The following LCP2 variants were observed in gnomAD, a reference collection of about 807,000 sequenced individuals.
LCP2 encodes 76 kDa tyrosine phosphoprotein.
LCP2 carries 29 observed loss-of-function variants against 74.5 expected under a neutral mutation model. That is an observed-to-expected ratio of 0.39 (90% CI 0.29 to 0.53). The LOEUF (loss-of-function observed/expected upper bound fraction) is 0.53. Ranked by LOEUF, LCP2 falls within the 20% of genes least tolerant of loss-of-function variation. The pLI, the probability that LCP2 is intolerant of heterozygous loss-of-function variation, is 0.72. For synonymous variants in LCP2, 228 were observed against 229.5 expected (o/e 0.99, Z 0.06); for missense variants, 604 against 634.6 (o/e 0.95, Z 0.52).
intron 7 of LCP2, among the ~76,000 whole-genome samples, chr5:170,269,522 T>C (rs946662787): frequency 6.6e-6 from 1 of 152,274 alleles, no homozygotes; most frequent in Admixed American, 6.5e-5. Flanking sequence ...TCAGGGCCTT[T>C]GCACAGCCAT....
rs1052184423 is a variant in LCP2, at chr5:170,247,894, T to G, written c.*803A>C. 1 of 152,250 alleles carries G rather than the reference T, an allele frequency of 6.6e-6. No individual in the cohort carries two copies. The highest frequency in any genetic ancestry group is 1.9e-4 in the East Asian group (1 of 5,196). 9.4% of individuals were successfully genotyped at this position (152,250 alleles called of 1,614,324 possible). A position where few individuals can be genotyped will look rare whatever the true frequency, so the allele number is the denominator to read the frequency against. ...GGGGGGCTGTGATGGTTGGTGTGGG[T>G]GTGGAGATGTGAAGAAATGCCAACT... On this transcript the variant is annotated 3_prime_UTR_variant, in exon 21 of 21. Transcript: ENST00000046794.
In LCP2 at chr5:170,250,827, A is replaced by G; in HGVS notation, c.1382T>C (p.Leu461Pro). The G allele has an allele frequency of 6.2e-7, 1 of 1,612,500 alleles. No homozygotes were observed. Among genetic ancestry groups the G allele is most frequent in the Non-Finnish European group, 8.5e-7 (1 of 1,178,486 alleles). Reference protein sequence around the residue: ...SKKTTTNPYVLMVLYKDKVYN... With the variant: ...SKKTTTNPYVPMVLYKDKVYN... ...AACTTTATCTTTGTACAACACCATGAGGACATATGGATTGGTTGTTGTTTT... is the reference window on the plus strand; with the variant it reads ...AACTTTATCTTTGTACAACACCATGGGGACATATGGATTGGTTGTTGTTTT... Residue 461 changes from leucine to proline, a missense_variant, in exon 20 of 21, where the codon CTC becomes CCC. Coordinates refer to ENST00000046794, the MANE Select transcript of LCP2 (RefSeq NM_005565.5).
At chr5:170,278,603 G>C (rs1310348493) in intron 3 of LCP2, among the ~76,000 whole-genome samples, 1 of 152,006 alleles carries the variant, frequency 6.6e-6, no homozygotes, top group Non-Finnish European at 1.5e-5. Context: ...TGACTTGAGC[G>C]AGGTGGGACT....
chr5:170,283,875 C>T (rs1161694086), intron 3 of LCP2, among the ~76,000 whole-genome samples: 1 of 152,190 alleles, frequency 6.6e-6, no homozygotes, highest in African/African-American at 2.4e-5. Flanking sequence ...TCCCTTCCTC[C>T]CTTGTCTGCC....
chr5:170,260,555 G>A (rs905775515), intron 14 of LCP2, among the ~76,000 whole-genome samples: 3 of 152,198 alleles, frequency 2.0e-5, no homozygotes, highest in Non-Finnish European at 4.4e-5. Context: ...TATGTAAAGC[G>A]AGAAATACTC....
chr5:170,251,408 CTCTTT>C (rs1332368750), intron 19 of LCP2: 6 of 214,156 alleles, frequency 2.8e-5, no homozygotes, highest in East Asian at 1.1e-4. Context: ...TGCAGATGTT[CTCTTT>C]TCTTTTCTTT....
intron 10 of LCP2, among the ~76,000 whole-genome samples, chr5:170,266,222 A>G (rs1024947717): frequency 6.6e-6 from 1 of 152,208 alleles, no homozygotes; most frequent in Non-Finnish European, 1.5e-5. Context: ...GTGAAGAAAA[A>G]GCACTGTGGT....
intron 3 of LCP2, among the ~76,000 whole-genome samples, chr5:170,277,465 A>G (rs1190257218): frequency 6.6e-6 from 1 of 152,118 alleles, no homozygotes; most frequent in Non-Finnish European, 1.5e-5. Context: ...TATGGGCTCC[A>G]GGCTGGGCGC....
At chr5:170,268,131 C>G (rs1343411671) in intron 8 of LCP2, among the ~76,000 whole-genome samples, 1 of 152,132 alleles carries the variant, frequency 6.6e-6, no homozygotes, top group African/African-American at 2.4e-5. Context: ...TAATTCGGTT[C>G]TCTTTGGGTT....
In LCP2 at chr5:170,249,255, G is replaced by A. The variant is rs561912060; in HGVS notation, c.1480-436C>T. ...CAGGAGAATTGCTTGAACCTGGGAG[G>A]CAGAGGTTGCAGTGAGCCGAGATTG... On this transcript the variant is annotated intron_variant, in intron 20 of 20. Transcript: ENST00000046794. Among the ~76,000 whole-genome samples the A allele has an allele frequency of 1.9e-3, 283 of 151,860 alleles. 1 individual carries two copies. Among genetic ancestry groups the A allele is most frequent in the African/African-American group, 6.6e-3 (272 of 41,360 alleles).
chr5:170,270,856 T>A lies in LCP2; in HGVS notation c.386A>T (p.Glu129Val), dbSNP rs1044947829. Residue 129 changes from glutamate to valine, a missense_variant, in exon 7 of 21, where the codon GAG (glutamate) becomes GTG (valine). By Grantham distance (121) the Glu-to-Val change is moderately radical. Transcript: ENST00000046794. ...DQDGEDDGDYESPNEEEEAPV... is the reference protein window; with the variant it reads ...DQDGEDDGDYVSPNEEEEAPV... ...TGCCTCTTCCTCCTCATTGGGGGAC[T>A]CATAGTCTCCATCATCCTCCCCATC... 6.2e-7 allele frequency: 1 copy of A among 1,612,576 alleles called. No homozygotes were observed. The highest frequency in any genetic ancestry group is 8.5e-7 in the Non-Finnish European group (1 of 1,179,254).
chr5:170,290,274 T>C (rs1175016733), intron 2 of LCP2, among the ~76,000 whole-genome samples: 2 of 152,112 alleles, frequency 1.3e-5, no homozygotes, highest in African/African-American at 4.8e-5. Flanking sequence ...AACTGGGCCC[T>C]GGTGGGAGAG....
Position 170,288,029 on chromosome 5 carries a change from C to T in LCP2, c.142-13G>A. The T allele has an allele frequency of 6.2e-7, 1 of 1,613,846 alleles. No individual in the cohort carries two copies. The highest frequency in any genetic ancestry group is 8.5e-7 in the Non-Finnish European group (1 of 1,179,796). On this transcript the variant is annotated splice_polypyrimidine_tract_variant and intron_variant, in intron 2 of 20. Transcript: ENST00000046794. ...TTTCTGTCAGGTTCTGAAATGAAGA[C>T]ACATATGGCAGGCAGGTTACAACCC... is the stretch of plus-strand genomic sequence containing the variant.
chr5:170,280,496 C>A (rs758769076), intron 3 of LCP2, among the ~76,000 whole-genome samples: 1 of 152,156 alleles, frequency 6.6e-6, no homozygotes, highest in Non-Finnish European at 1.5e-5. Context: ...AAGCCGGGGG[C>A]AGCCAGATGT....
At chr5:170,287,517 C>T (rs769275086) in intron 3 of LCP2, among the ~76,000 whole-genome samples, 1 of 152,208 alleles carries the variant, frequency 6.6e-6, no homozygotes. Context: ...CATAACACCC[C>T]TGTCAGATAT....
At chr5:170,287,766 A>G (rs1762207762) in intron 3 of LCP2, 3 of 600,180 alleles carry the variant, frequency 5.0e-6, no homozygotes, top group Admixed American at 5.5e-5. Flanking sequence ...CATCCAGGTC[A>G]CCAGCTGGGC....
chr5:170,255,404 C>A (rs1336187420), intron 17 of LCP2, among the ~76,000 whole-genome samples: 1 of 152,286 alleles, frequency 6.6e-6, no homozygotes, highest in Middle Eastern at 3.4e-3. Context: ...CACACACTGG[C>A]CCGTGCACAC....
chr5:170,279,355 G>A (rs1762064253), intron 3 of LCP2, among the ~76,000 whole-genome samples: 1 of 152,174 alleles, frequency 6.6e-6, no homozygotes, highest in African/African-American at 2.4e-5. Flanking sequence ...TAATGTACAA[G>A]GTACAGGGCC....
intron 6 of LCP2, 122 bp from the exon 7 acceptor site, chr5:170,271,039 G>A: frequency 1.3e-6 from 1 of 786,484 alleles, no homozygotes; most frequent in Non-Finnish European, 2.0e-6. Context: ...GCAGCCTGAA[G>A]ATGGTTACTC....
Sources: allele counts gnomAD v4.1 joint callset (sites outside exome capture counted in the v4.1 genomes callset), GRCh38; gene constraint gnomAD v4.1.1; transcripts MANE v1.5; gene names NCBI Gene and HGNC (gene_info 2026-07-23, HGNC 2026-07-21).